Variants in C8orf90 observed in about 807,000 individuals in gnomAD.
The protein encoded by C8orf90 is uncharacterized protein C8orf90.
At chr8:141,516,956 C>T in the C8orf90 span, among the ~76,000 whole-genome samples, 1 of 152,250 alleles carries the variant, frequency 6.6e-6, no homozygotes, top group Non-Finnish European at 1.5e-5. Context: ...AGGACCCCCA[C>T]GTCTGTGCTC....
chr8:141,515,136 G>T, the C8orf90 span, among the ~76,000 whole-genome samples: 1 of 108,364 alleles, frequency 9.2e-6, no homozygotes, highest in Non-Finnish European at 2.0e-5. Context: ...CTCAGCTCTG[G>T]ATCTCAGAGG....
the C8orf90 span, among the ~76,000 whole-genome samples, chr8:141,517,944 CAA>C: frequency 6.6e-6 from 1 of 152,234 alleles, no homozygotes; most frequent in Admixed American, 6.5e-5. Flanking sequence ...AGGCTCTGCC[CAA>C]AGAGTACTTA....
chr8:141,518,549 G>C, the C8orf90 span: 1 of 509,490 alleles, frequency 2.0e-6, no homozygotes. Context: ...CGCCTGGAGC[G>C]GCTGGCCCTG....
chr8:141,518,398 T>C, the C8orf90 span: 2 of 673,030 alleles, frequency 3.0e-6, no homozygotes, highest in South Asian at 3.1e-5. Context: ...GCCGCCGGGG[T>C]CCGACCCCGC....
the C8orf90 span, among the ~76,000 whole-genome samples, chr8:141,516,251 C>T: frequency 6.6e-6 from 1 of 152,210 alleles, no homozygotes; most frequent in Non-Finnish European, 1.5e-5. Context: ...TGTCTCTTGA[C>T]CCCACTTCCC....
chr8:141,518,138 C>T, the C8orf90 span: 1 of 527,590 alleles, frequency 1.9e-6, no homozygotes, highest in African/African-American at 2.0e-5. Context: ...CGCGCCCGGC[C>T]TCCTGGTCTC....
chr8:141,514,751 G>A, the C8orf90 span: 1 of 701,468 alleles, frequency 1.4e-6, no homozygotes, highest in Non-Finnish European at 2.6e-6. Flanking sequence ...CCCTCCTTCT[G>A]TAGCCACTCC....
chr8:141,516,177 GCAT>G, the C8orf90 span, among the ~76,000 whole-genome samples: 38 of 152,214 alleles, frequency 2.5e-4, no homozygotes, highest in Middle Eastern at 0.017. Context: ...TCTTTCTCCT[GCAT>G]CATGATACCG....
the C8orf90 span, chr8:141,518,437 G>A: frequency 4.5e-6 from 3 of 665,938 alleles, no homozygotes; most frequent in Non-Finnish European, 8.1e-6. Flanking sequence ...CGACCCCCGC[G>A]ACCGCGCAGA....
chr8:141,516,145 T>C, the C8orf90 span, among the ~76,000 whole-genome samples: 1 of 152,162 alleles, frequency 6.6e-6, no homozygotes, highest in Non-Finnish European at 1.5e-5. Context: ...ACTCACGCTG[T>C]CACTCCAGCA....
At chr8:141,514,735 T>C in the C8orf90 span, 28 of 701,518 alleles carry the variant, frequency 4.0e-5, no homozygotes, top group African/African-American at 4.5e-4. Context: ...GCCCAGCAGG[T>C]CTGCCCCCTC....
the C8orf90 span, among the ~76,000 whole-genome samples, chr8:141,515,573 G>A: frequency 9.2e-5 from 14 of 151,730 alleles, no homozygotes; most frequent in South Asian, 1.9e-3. Flanking sequence ...TGTCCCCACC[G>A]CACTCTGGGG....
the C8orf90 span, chr8:141,518,165 C>T: frequency 3.7e-6 from 2 of 536,114 alleles, no homozygotes; most frequent in Non-Finnish European, 6.5e-6. Context: ...GCGCGGGCCG[C>T]TCCCGGCCCT....
the C8orf90 span, among the ~76,000 whole-genome samples, chr8:141,515,564 G>A: frequency 6.6e-6 from 1 of 151,744 alleles, no homozygotes; most frequent in Non-Finnish European, 1.5e-5. Flanking sequence ...CAGTCCCCTT[G>A]TCCCCACCGC....
At chr8:141,514,882 C>T in the C8orf90 span, 5 of 639,350 alleles carry the variant, frequency 7.8e-6, no homozygotes, top group South Asian at 8.9e-5. Context: ...GATGCTCTGC[C>T]AAGGTCATGA....
chr8:141,517,404 G>T, the C8orf90 span, among the ~76,000 whole-genome samples: 1 of 75,792 alleles, frequency 1.3e-5, no homozygotes, highest in African/African-American at 3.6e-5. Flanking sequence ...TTTGCTGAAT[G>T]AAAGAAAGAA....
At chr8:141,518,565 C>T in the C8orf90 span, 15 of 429,038 alleles carry the variant, frequency 3.5e-5, no homozygotes, top group South Asian at 6.6e-4. Context: ...CCCTGAGCTG[C>T]GCCCGCGCGC....
At chr8:141,516,368 C>T in the C8orf90 span, among the ~76,000 whole-genome samples, 1 of 152,142 alleles carries the variant, frequency 6.6e-6, no homozygotes, top group Non-Finnish European at 1.5e-5. Context: ...CTCTTGAACC[C>T]ACTCTCACCG....
At chr8:141,516,451 G>A in the C8orf90 span, among the ~76,000 whole-genome samples, 1 of 152,130 alleles carries the variant, frequency 6.6e-6, no homozygotes, top group Non-Finnish European at 1.5e-5. Context: ...TGGTAAGTCC[G>A]AGGTCACTTG....
Sources: gnomAD v4.1 joint callset for allele counts (sites outside exome capture counted in the v4.1 genomes callset) on GRCh38, gnomAD v4.1.1 for gene constraint, MANE v1.5 for transcripts, NCBI Gene and HGNC (gene_info 2026-07-23, HGNC 2026-07-21) for gene names.